Variants in GEMIN5 observed in about 807,000 individuals in gnomAD.
GEMIN5 encodes the protein gem nuclear organelle associated protein 5, also known as gem-associated protein 5.
GEMIN5 carries 124 observed loss-of-function variants against 176.9 expected under a neutral mutation model. That is an observed-to-expected ratio of 0.70 (90% CI 0.61 to 0.81). GEMIN5 has a LOEUF of 0.81. Among genes scored for constraint, GEMIN5 ranks in the 40% least tolerant of loss-of-function variants. The pLI, the probability that GEMIN5 is intolerant of heterozygous loss-of-function variation, is 0.00. For synonymous variants in GEMIN5, 673 were observed against 665.2 expected (o/e 1.01, Z -0.18); for missense variants, 1,843 against 1,814.6 (o/e 1.02, Z -0.28).
At chr5:154,915,057 T>C (rs1004610930) in intron 13 of GEMIN5, among the ~76,000 whole-genome samples, 15 of 152,218 alleles carry the variant, frequency 9.9e-5, no homozygotes, top group South Asian at 4.1e-4. Flanking sequence ...GTAGATATGA[T>C]ATAAAGTGGA....
At chr5:154,904,685 CG>C in intron 17 of GEMIN5, 56 bp from the exon 18 acceptor site, 4 of 1,390,110 alleles carry the variant, frequency 2.9e-6, no homozygotes, top group Non-Finnish European at 3.1e-6. Flanking sequence ...AAACATAAAA[CG>C]GAATGCCTAT....
At chr5:154,905,522 A>G (rs1259779151) in intron 16 of GEMIN5, 46 bp from the exon 17 acceptor site, 4 of 878,674 alleles carry the variant, frequency 4.6e-6, no homozygotes, top group Non-Finnish European at 7.2e-6. Context: ...GGATAACAAT[A>G]ATACAGAATT....
At chr5:154,922,370 T>C (rs553471420) in intron 9 of GEMIN5, among the ~76,000 whole-genome samples, 74 of 152,264 alleles carry the variant, frequency 4.9e-4, no homozygotes, top group African/African-American at 1.6e-3. Flanking sequence ...GGTTTCACAG[T>C]GTTAGCCAGG....
chr5:154,903,254 T>C (rs1485794993), intron 18 of GEMIN5, 79 bp from the exon 19 acceptor site: 19 of 943,192 alleles, frequency 2.0e-5, no homozygotes, highest in Non-Finnish European at 2.9e-5. Context: ...CTTCCGAATA[T>C]ATGTTTGGAA....
chr5:154,901,399 A>G lies in GEMIN5; in HGVS notation c.2954T>C (p.Leu985Pro), dbSNP rs1278928153. ...QDQYVKAASH[L>P]LSIHKVYEAV... Reference sequence around the variant, plus strand: ...TTCATACACTTTGTGGATGGAAAGTAGGTGAGAAGCAGCCTTGACATACTG... The same window carrying G: ...TTCATACACTTTGTGGATGGAAAGTGGGTGAGAAGCAGCCTTGACATACTG... The change falls in exon 21 of 28, where the codon CTA becomes CCA. Residue 985 changes from leucine (L) to proline (P), a missense_variant. Leu to Pro is a moderately conservative substitution (Grantham distance 98). Coordinates refer to ENST00000285873, the MANE Select transcript of GEMIN5 (RefSeq NM_015465.5). 2 of 1,614,108 alleles carry G rather than the reference A, an allele frequency of 1.2e-6. No individual in the cohort carries two copies. The highest frequency in any genetic ancestry group is 4.5e-5 in the East Asian group (2 of 44,884).
intron 17 of GEMIN5, among the ~76,000 whole-genome samples, chr5:154,905,063 G>A (rs895795361): frequency 1.5e-4 from 23 of 151,652 alleles, no homozygotes; most frequent in Non-Finnish European, 2.7e-4. Flanking sequence ...GCATGGTGGC[G>A]GGCGCCTGTA....
At position 154,902,413 on chromosome 5, in the gene GEMIN5, T is replaced by C. The variant is rs536740641; in HGVS notation, c.2866+126A>G. On this transcript the variant is annotated intron_variant, in intron 20 of 27. Transcript: ENST00000285873. ...GGATTTATTAGTTTGTCTATTGCTG[T>C]CTATTGCTTTGTATCTATTTGTAAG... The C allele has an allele frequency of 1.3e-4, 108 of 844,974 alleles. No homozygotes were observed. The Admixed American group carries it at 2.0e-3, about 16-fold the overall frequency. 52.3% of individuals were successfully genotyped at this position (844,974 alleles called of 1,614,324 possible). A position where few individuals can be genotyped will look rare whatever the true frequency, so the allele number is the denominator to read the frequency against.
intron 1 of GEMIN5, 110 bp downstream of exon 1, chr5:154,937,858 C>T: frequency 1.0e-6 from 1 of 982,906 alleles, no homozygotes; most frequent in Non-Finnish European, 1.4e-6. Context: ...CTCCTCCCAG[C>T]CTGGGCCTCA....
intron 17 of GEMIN5, 76 bp from the exon 18 acceptor site, chr5:154,904,705 T>A (rs1763535015): frequency 1.8e-6 from 2 of 1,105,032 alleles, no homozygotes; most frequent in African/African-American, 3.1e-5. Context: ...ATTGTGTGAA[T>A]GTAACCTACT....
chr5:154,920,738 A>G (rs1258054955), intron 10 of GEMIN5, among the ~76,000 whole-genome samples: 1 of 152,222 alleles, frequency 6.6e-6, no homozygotes. Context: ...TGCAATTCCT[A>G]TAGAAATTTA....
At position 154,902,556 on chromosome 5, in the gene GEMIN5, A is replaced by G; in HGVS notation, c.2849T>C (p.Val950Ala). 6.2e-7 allele frequency: 1 copy of G among 1,614,116 alleles called. No homozygotes were observed. Among genetic ancestry groups the G allele is most frequent in the Non-Finnish European group, 8.5e-7 (1 of 1,179,966 alleles). Residue 950 changes from valine (V) to alanine (A), a missense_variant, in exon 20 of 28, where the codon GTG (valine) becomes GCG (alanine). By Grantham distance (64) the Val-to-Ala change is moderately conservative. Coordinates refer to ENST00000285873, the MANE Select transcript of GEMIN5 (RefSeq NM_015465.5). ...AACCATACCTGCTGGTGCCATAGCC[A>G]CAAGGTTGTCTGTCAGCTCCCCTCT... ...AERGELTDNL[V>A]AMAPAAGYHV...
In GEMIN5 at chr5:154,931,745, T is replaced by C. The variant is rs141607329; in HGVS notation, c.662-168A>G. ...AATGATATAATTCGGCCTGGTGCAG[T>C]GGCTCACGCCTGTAATCCCAGCATT... On this transcript the variant is annotated intron_variant, in intron 4 of 27. Transcript: ENST00000285873. 4.5e-4 allele frequency: 262 copies of C among 584,408 alleles called. 2 individuals carry two copies. Among genetic ancestry groups the C allele is most frequent in the African/African-American group, 4.0e-3 (214 of 53,720 alleles). 36.2% of individuals were successfully genotyped at this position (584,408 alleles called of 1,614,324 possible).
chr5:154,910,624 T>C (rs113971212), intron 15 of GEMIN5, among the ~76,000 whole-genome samples: 3,191 of 152,320 alleles, frequency 0.021, 52 homozygotes, highest in Non-Finnish European at 0.027. Flanking sequence ...ATATTTTGTC[T>C]AGCTTTCTAG....
chr5:154,918,043 T>C, intron 11 of GEMIN5, 39 bp from the exon 12 acceptor site: 1 of 1,284,888 alleles, frequency 7.8e-7, no homozygotes, highest in Non-Finnish European at 1.1e-6. Flanking sequence ...TATATACATA[T>C]CTCACAAATC....
intron 12 of GEMIN5, among the ~76,000 whole-genome samples, chr5:154,917,562 G>A (rs76551019): frequency 0.017 from 2,576 of 152,206 alleles, 47 homozygotes; most frequent in Middle Eastern, 0.041. Context: ...CAGATCAATG[G>A]CTGAATTATG....
At position 154,931,480 on chromosome 5, in the gene GEMIN5, G is replaced by C; in HGVS notation, c.759C>G (p.Ile253Met). 6.2e-7 allele frequency: 1 copy of C among 1,612,662 alleles called. No individual in the cohort carries two copies. Among genetic ancestry groups the C allele is most frequent in the Non-Finnish European group, 8.5e-7 (1 of 1,178,768 alleles). The change falls in exon 5 of 28, where the codon ATC becomes ATG. Residue 253 changes from isoleucine to methionine, a missense_variant. Coordinates refer to ENST00000285873, the MANE Select transcript of GEMIN5 (RefSeq NM_015465.5). ...ATGSKDQTIR[I>M]WSCSRGRGVM... Reference sequence around the variant, plus strand: ...TACCTCGGCCTCTAGAACAGCTCCAGATTCGAATGGTTTGATCTTTGCTTC... The same window carrying C: ...TACCTCGGCCTCTAGAACAGCTCCACATTCGAATGGTTTGATCTTTGCTTC...
chr5:154,905,382 C>T lies in GEMIN5; in HGVS notation c.2490G>A (p.Glu830=). 6.3e-7 allele frequency: 1 copy of T among 1,594,770 alleles called. No homozygotes were observed. Among genetic ancestry groups the T allele is most frequent in the Non-Finnish European group, 8.6e-7 (1 of 1,166,592 alleles). Reference sequence around the variant, plus strand: ...ACCAACCTGGCTTCTCTTTTGGTGGCTCCTTTTTCAGTAAAATGACTTTGT... The same window carrying T: ...ACCAACCTGGCTTCTCTTTTGGTGGTTCCTTTTTCAGTAAAATGACTTTGT... ...INNKVILLKK[E]PPKEKPETLI... Residue 830 remains glutamate, a synonymous_variant, in exon 17 of 28, where the codon GAG becomes GAA. Coordinates refer to ENST00000285873, the MANE Select transcript of GEMIN5 (RefSeq NM_015465.5).
intron 23 of GEMIN5, 30 bp downstream of exon 23, chr5:154,898,410 G>A (rs779036649): frequency 2.6e-6 from 4 of 1,554,414 alleles, no homozygotes; most frequent in Admixed American, 1.7e-5. Flanking sequence ...CTTCCCTCTT[G>A]TATACTAGGA....
intron 4 of GEMIN5, 92 bp downstream of exon 4, chr5:154,932,006 CA>C (rs1764177858): frequency 4.7e-6 from 5 of 1,067,258 alleles, no homozygotes; most frequent in Admixed American, 2.4e-5. Flanking sequence ...ACTCCGTCTC[CA>C]AAAATAAATA....
Sources: allele counts gnomAD v4.1 joint callset (sites outside exome capture counted in the v4.1 genomes callset), GRCh38; gene constraint gnomAD v4.1.1; transcripts MANE v1.5; gene names NCBI Gene and HGNC (gene_info 2026-07-23, HGNC 2026-07-21).